Variants in SUPT3H observed in about 807,000 individuals in gnomAD.
SUPT3H encodes SPT3 homolog, SAGA and STAGA complex component.
Under a neutral mutation model 44.3 loss-of-function variants are expected in SUPT3H, and 44 were observed. That is an observed-to-expected ratio of 0.99 (90% confidence interval 0.78 to 1.28). The LOEUF (loss-of-function observed/expected upper bound fraction) is 1.28. SUPT3H is among the 50% of genes most tolerant of loss of function. The pLI, the probability that SUPT3H is intolerant of heterozygous loss-of-function variation, is 0.00. For synonymous variants in SUPT3H, 124 were observed against 125.6 expected (o/e 0.99, Z 0.09); for missense variants, 380 against 387.1 (o/e 0.98, Z 0.15).
intron 3 of SUPT3H, among the ~76,000 whole-genome samples, chr6:45,041,035 G>A (rs1788453462): frequency 6.6e-6 from 1 of 151,968 alleles, no homozygotes; most frequent in Non-Finnish European, 1.5e-5. Context: ...TTTTCAATTC[G>A]TTTTCATTCA....
intron 6 of SUPT3H, among the ~76,000 whole-genome samples, chr6:44,970,488 A>T (rs1195936393): frequency 6.6e-6 from 1 of 152,082 alleles, no homozygotes; most frequent in African/African-American, 2.4e-5. Context: ...ATAAAAAGCC[A>T]TGTGAGTTTC....
chr6:45,228,784 C>T (rs1385455696), intron 2 of SUPT3H, among the ~76,000 whole-genome samples: 1 of 152,066 alleles, frequency 6.6e-6, no homozygotes, highest in Non-Finnish European at 1.5e-5. Context: ...GGACTACAGG[C>T]ATGCACCATC....
At chr6:45,175,758 T>C (rs1170959022) in intron 2 of SUPT3H, among the ~76,000 whole-genome samples, 1 of 152,156 alleles carries the variant, frequency 6.6e-6, no homozygotes, top group African/African-American at 2.4e-5. Flanking sequence ...GAACCCAAAG[T>C]TTTATGAAAT....
At chr6:44,877,419 C>T (rs949539935) in intron 10 of SUPT3H, among the ~76,000 whole-genome samples, 2 of 143,422 alleles carry the variant, frequency 1.4e-5, no homozygotes, top group African/African-American at 2.6e-5. Context: ...CAGTGAGCTG[C>T]GATAGTGCCA....
chr6:45,310,376 C>T (rs1350896256), intron 2 of SUPT3H, among the ~76,000 whole-genome samples: 4 of 152,106 alleles, frequency 2.6e-5, no homozygotes, highest in Admixed American at 2.0e-4. Context: ...GACATACAAT[C>T]CTGGGAGTTC....
intron 2 of SUPT3H, among the ~76,000 whole-genome samples, chr6:45,185,399 G>C (rs977949239): frequency 6.6e-6 from 1 of 152,132 alleles, no homozygotes; most frequent in Non-Finnish European, 1.5e-5. Flanking sequence ...TACCTACCCA[G>C]AAGCAAAGAG....
intron 2 of SUPT3H, among the ~76,000 whole-genome samples, chr6:45,193,831 C>T (rs1295288867): frequency 6.6e-6 from 1 of 152,166 alleles, no homozygotes; most frequent in Non-Finnish European, 1.5e-5. Flanking sequence ...GATTGCAATA[C>T]AGAATTCTTA....
chr6:45,336,636 C>T (rs921261774), intron 2 of SUPT3H, among the ~76,000 whole-genome samples: 5 of 151,224 alleles, frequency 3.3e-5, no homozygotes, highest in Non-Finnish European at 7.4e-5. Context: ...TTTACTCAGA[C>T]GTATTCAAAC....
At chr6:44,909,573 T>C (rs1361318920) in intron 10 of SUPT3H, among the ~76,000 whole-genome samples, 2 of 152,240 alleles carry the variant, frequency 1.3e-5, no homozygotes, top group African/African-American at 2.4e-5. Context: ...TCTTGAATTT[T>C]ATAGTTATCT....
chr6:44,841,938 CTGTA>C (rs755315846), intron 10 of SUPT3H, among the ~76,000 whole-genome samples: 4 of 152,288 alleles, frequency 2.6e-5, no homozygotes, highest in South Asian at 2.1e-4. Flanking sequence ...AAGATAGTCT[CTGTA>C]TGTGTGTGTG....
chr6:45,008,480 G>C (rs954494492), intron 5 of SUPT3H, among the ~76,000 whole-genome samples: 1 of 151,918 alleles, frequency 6.6e-6, no homozygotes, highest in Non-Finnish European at 1.5e-5. Context: ...TCAGCCTCCT[G>C]AGTAGCTGGG....
chr6:45,074,744 A>G (rs2153554715), intron 3 of SUPT3H, among the ~76,000 whole-genome samples: 1 of 152,118 alleles, frequency 6.6e-6, no homozygotes, highest in African/African-American at 2.4e-5. Context: ...TGCTGGTTAC[A>G]TGGGAGTGCA....
At chr6:45,288,313 A>G (rs72858585) in intron 2 of SUPT3H, among the ~76,000 whole-genome samples, 2,385 of 152,106 alleles carry the variant, frequency 0.016, 33 homozygotes, top group South Asian at 0.035. Context: ...GGTATTTATT[A>G]AGAGACTTAA....
intron 2 of SUPT3H, among the ~76,000 whole-genome samples, chr6:45,274,191 T>C (rs922957043): frequency 2.6e-5 from 4 of 152,208 alleles, no homozygotes; most frequent in African/African-American, 9.6e-5. Context: ...CAGATACAAG[T>C]AACTTACAAA....
chr6:44,863,847 A>T (rs1775059367), intron 10 of SUPT3H, among the ~76,000 whole-genome samples: 2 of 152,144 alleles, frequency 1.3e-5, no homozygotes, highest in African/African-American at 2.4e-5. Context: ...AGAGAGAATA[A>T]GAGTCAAGTG....
intron 2 of SUPT3H, among the ~76,000 whole-genome samples, chr6:45,281,153 C>A (rs1336224807): frequency 9.9e-5 from 15 of 152,176 alleles, no homozygotes; most frequent in Non-Finnish European, 2.2e-4. Flanking sequence ...CAGTCTACAG[C>A]TCCCAGCATG....
chr6:45,236,060 A>T (rs1473692185), intron 2 of SUPT3H, among the ~76,000 whole-genome samples: 3 of 152,272 alleles, frequency 2.0e-5, no homozygotes, highest in Non-Finnish European at 4.4e-5. Context: ...CTATAGAAAC[A>T]ATGTTTATCA....
intron 10 of SUPT3H, among the ~76,000 whole-genome samples, chr6:44,919,736 G>A (rs1233922028): frequency 6.6e-6 from 1 of 152,016 alleles, no homozygotes; most frequent in African/African-American, 2.4e-5. Flanking sequence ...AATACATTTT[G>A]TCTTCTCTGG....
At chr6:45,322,619 A>AT (rs578164348) in intron 2 of SUPT3H, among the ~76,000 whole-genome samples, 4 of 152,122 alleles carry the variant, frequency 2.6e-5, no homozygotes, top group Non-Finnish European at 5.9e-5. Context: ...ATTTTCCAGC[A>AT]TAAGTTATAC....
Sources: gnomAD v4.1 joint callset for allele counts (sites outside exome capture counted in the v4.1 genomes callset) on GRCh38, gnomAD v4.1.1 for gene constraint, MANE v1.5 for transcripts, NCBI Gene and HGNC (gene_info 2026-07-23, HGNC 2026-07-21) for gene names.